TRAK1: variants seen among roughly 807,000 people sequenced by gnomAD.
The protein encoded by TRAK1 is trafficking kinesin-binding protein 1.
Under a neutral mutation model 92.1 loss-of-function variants are expected in TRAK1, and 33 were observed. The observed-to-expected ratio is 0.36, with a 90% CI of 0.27 to 0.48. The LOEUF (loss-of-function observed/expected upper bound fraction) is 0.48. Among genes scored for constraint, TRAK1 ranks in the 20% least tolerant of loss-of-function variants. The probability of loss-of-function intolerance (pLI) is 0.99; values close to 1 mark genes in which losing one functional copy is unlikely to be tolerated. For synonymous variants in TRAK1, 521 were observed against 517.3 expected, an observed-to-expected ratio of 1.01 and a Z score of -0.10; for missense variants, 1,123 against 1,257.9, an observed-to-expected ratio of 0.89 and a Z score of 1.62.
chr3:42,060,802 T>C (rs542160215), intron 1 of TRAK1, among the ~76,000 whole-genome samples: 4 of 150,776 alleles, frequency 2.7e-5, no homozygotes, highest in Non-Finnish European at 5.9e-5. Flanking sequence ...TGATTTTTTT[T>C]ATATTTTTAG....
intron 1 of TRAK1, among the ~76,000 whole-genome samples, chr3:42,036,920 T>C (rs553976950): frequency 9.2e-5 from 14 of 152,330 alleles, no homozygotes; most frequent in African/African-American, 2.9e-4. Flanking sequence ...TGGCTAATTT[T>C]TATTTATTCA....
At chr3:42,015,487 A>G (rs1701484200) in intron 1 of TRAK1, among the ~76,000 whole-genome samples, 1 of 151,534 alleles carries the variant, frequency 6.6e-6, no homozygotes, top group Non-Finnish European at 1.5e-5. Context: ...CCTGGACTGA[A>G]ATTCCAACTC....
chr3:42,140,442 G>A (rs1368004795), intron 2 of TRAK1, among the ~76,000 whole-genome samples: 2 of 152,070 alleles, frequency 1.3e-5, no homozygotes, highest in Admixed American at 6.6e-5. Flanking sequence ...ATTCTGGCTC[G>A]ATGGTGAAAC....
chr3:42,160,614 G>A, intron 2 of TRAK1: 1 of 913,198 alleles, frequency 1.1e-6, no homozygotes, highest in East Asian at 2.8e-5. Flanking sequence ...TATGCAAATG[G>A]CTTAAAGGTG....
At chr3:42,192,732 C>T (rs922848703) in intron 7 of TRAK1, among the ~76,000 whole-genome samples, 1 of 152,154 alleles carries the variant, frequency 6.6e-6, no homozygotes, top group Non-Finnish European at 1.5e-5. Flanking sequence ...TGGCTAGATG[C>T]ACTCATGTTT....
intron 5 of TRAK1, among the ~76,000 whole-genome samples, chr3:42,188,534 G>A (rs527414746): frequency 5.3e-5 from 8 of 152,162 alleles, no homozygotes; most frequent in Non-Finnish European, 1.2e-4. Flanking sequence ...CCTCATGTTG[G>A]GAGCATGAAC....
chr3:42,065,110 G>A (rs901294955), intron 1 of TRAK1, among the ~76,000 whole-genome samples: 4 of 151,832 alleles, frequency 2.6e-5, no homozygotes, highest in African/African-American at 9.7e-5. Flanking sequence ...AAATTAGCTG[G>A]GCATGGATGC....
chr3:42,040,435 T>C (rs1702488106), intron 1 of TRAK1, among the ~76,000 whole-genome samples: 1 of 152,194 alleles, frequency 6.6e-6, no homozygotes, highest in East Asian at 1.9e-4. Context: ...GTGATACATT[T>C]TGAGTTAATT....
chr3:42,015,689 A>G (rs561370506), intron 1 of TRAK1, among the ~76,000 whole-genome samples: 39 of 152,356 alleles, frequency 2.6e-4, no homozygotes, highest in Non-Finnish European at 4.3e-4. Context: ...AATAAAGCAT[A>G]TAATAGTAAT....
intron 1 of TRAK1, among the ~76,000 whole-genome samples, chr3:42,081,533 G>T (rs1381874413): frequency 6.6e-6 from 1 of 152,126 alleles, no homozygotes; most frequent in Non-Finnish European, 1.5e-5. Context: ...ACAATTTTTT[G>T]GGGGAGATCA....
intron 14 of TRAK1, among the ~76,000 whole-genome samples, chr3:42,213,684 G>A (rs371666690): frequency 6.6e-6 from 1 of 152,242 alleles, no homozygotes; most frequent in Non-Finnish European, 1.5e-5. Context: ...ACAGACCACA[G>A]AACTGGGGTT....
At chr3:42,208,146 T>A (rs1708548189) in intron 13 of TRAK1, among the ~76,000 whole-genome samples, 1 of 152,180 alleles carries the variant, frequency 6.6e-6, no homozygotes, top group Non-Finnish European at 1.5e-5. Flanking sequence ...CCTCTTTCGT[T>A]ATAGTCATTC....
At chr3:42,184,923 G>A (rs559568447) in intron 4 of TRAK1, 122 bp downstream of exon 4, 16 of 908,906 alleles carry the variant, frequency 1.8e-5, no homozygotes, top group African/African-American at 1.3e-4. Context: ...GGGCACGACC[G>A]CGGCCTGAGC....
rs546072699 is a variant in TRAK1, at chr3:42,206,721, G to A, written c.1745-3046G>A. On this transcript the variant is annotated intron_variant, in intron 13 of 15. Transcript: ENST00000327628. The stretch of plus-strand genomic sequence containing the variant: ...AGGCATGGGATAAAAATCTGAGCAT[G>A]ATGCGTCTTTTCACATAATGTTTTA... 4.6e-5 allele frequency among the ~76,000 whole-genome samples: 7 copies of A among 152,370 alleles called. 1 individual carries two copies. The highest frequency in any genetic ancestry group is 3.3e-4 in the Admixed American group (5 of 15,308).
intron 1 of TRAK1, among the ~76,000 whole-genome samples, chr3:42,065,734 A>C (rs6778412): frequency 3.3e-5 from 5 of 151,692 alleles, no homozygotes; most frequent in Admixed American, 2.6e-4. Flanking sequence ...GGCCCAAGCT[A>C]TCCTCTCACC....
chr3:42,158,074 T>TG (rs1700770907), intron 2 of TRAK1, among the ~76,000 whole-genome samples: 1 of 152,168 alleles, frequency 6.6e-6, no homozygotes, highest in Non-Finnish European at 1.5e-5. Context: ...AATTAAAGGT[T>TG]GGGGAAAAGT....
chr3:42,194,392 C>T (rs1706284337), intron 9 of TRAK1, among the ~76,000 whole-genome samples: 1 of 125,640 alleles, frequency 8.0e-6, no homozygotes, highest in Non-Finnish European at 1.7e-5. Context: ...GCTACCACAC[C>T]CACCTAATTT....
In TRAK1 at chr3:42,091,467, C is replaced by T. The variant is rs1229537813; in HGVS notation, c.-3C>T. On this transcript the variant is annotated 5_prime_UTR_variant, in exon 1 of 16. Coordinates refer to ENST00000327628, the MANE Select transcript of TRAK1 (RefSeq NM_001042646.3). ...GAAGTGCCTTTGGAGTTTATGTCTGCACATGGCATTGGTTTTTCAATTCGG... is the reference window on the plus strand; with the variant it reads ...GAAGTGCCTTTGGAGTTTATGTCTGTACATGGCATTGGTTTTTCAATTCGG... The T allele has an allele frequency of 3.7e-6, 6 of 1,613,484 alleles. No individual in the cohort carries two copies. Among genetic ancestry groups the T allele is most frequent in the Non-Finnish European group, 5.1e-6 (6 of 1,179,738 alleles).
chr3:42,061,218 G>A (rs1703425762), intron 1 of TRAK1, among the ~76,000 whole-genome samples: 1 of 151,940 alleles, frequency 6.6e-6, no homozygotes, highest in Non-Finnish European at 1.5e-5. Context: ...CGTAACCATT[G>A]ACCTTAAGTT....
Sources: gnomAD v4.1 joint callset for allele counts (sites outside exome capture counted in the v4.1 genomes callset) on GRCh38, gnomAD v4.1.1 for gene constraint, MANE v1.5 for transcripts, NCBI Gene and HGNC (gene_info 2026-07-23, HGNC 2026-07-21) for gene names.